The following NPM1 variants were observed in gnomAD, a reference collection of about 807,000 sequenced individuals.
NPM1 encodes nucleophosmin.
NPM1 carries 1 observed loss-of-function variant against 44.1 expected under a neutral mutation model. That is an observed-to-expected ratio of 0.02 (90% CI 0.01 to 0.11). The LOEUF (loss-of-function observed/expected upper bound fraction) is 0.11. NPM1 is among the 10% of genes least tolerant of loss of function. The pLI, the probability that NPM1 is intolerant of heterozygous loss-of-function variation, is 1.00. For missense variants in NPM1, 197 were observed against 347.8 expected (o/e 0.57, Z 3.45); for synonymous variants, 126 against 111.8 (o/e 1.13, Z -0.80).
rs185295288 is a variant in NPM1 at position 171,387,886 on chromosome 5, C to G, written c.-63C>G. On this transcript the variant is annotated 5_prime_UTR_variant, in exon 1 of 11. Coordinates refer to ENST00000296930, the MANE Select transcript of NPM1 (RefSeq NM_002520.7). ...TGATTCCGTCCTGCGCGGTTGTTCT[C>G]TGGAGCAGCGTTCTTTTATCTCCGT... is the stretch of plus-strand genomic sequence containing the variant. The G allele has an allele frequency of 1.3e-4, 201 of 1,515,488 alleles. No homozygotes were observed. Among genetic ancestry groups the G allele is most frequent in the African/African-American group, 1.2e-3 (89 of 72,974 alleles). The allele number at this position is 1,515,488 out of a possible 1,614,324, so 93.9% of individuals were successfully genotyped here. A position where few individuals can be genotyped will look rare whatever the true frequency, so the allele number is the denominator to read the frequency against.
At chr5:171,401,022 T>C in intron 8 of NPM1, 97 bp downstream of exon 8, 2 of 823,876 alleles carry the variant, frequency 2.4e-6, no homozygotes, top group Non-Finnish European at 4.1e-6. Flanking sequence ...TGATAGGCCT[T>C]TATAGAACCC....
At chr5:171,390,487 A>G (rs527948640) in intron 2 of NPM1, among the ~76,000 whole-genome samples, 3 of 152,344 alleles carry the variant, frequency 2.0e-5, no homozygotes, top group South Asian at 2.1e-4. Context: ...TATTGTGTGT[A>G]TGCATATTTA....
chr5:171,391,712 C>T lies in NPM1; in HGVS notation c.265C>T (p.Leu89Phe). ...AAAAATTTCTCCCTTCTAGGTTTCC[C>T]TTGGGGGCTTTGAAATAACACCACC... ...LKMSVQPTVSLGGFEITPPVV... is the reference protein window; with the variant it reads ...LKMSVQPTVSFGGFEITPPVV... Residue 89 changes from leucine (L) to phenylalanine (F), a missense_variant, in exon 4 of 11, where the codon CTT (leucine) becomes TTT (phenylalanine). Around this residue, in one of 5 missense-constraint regions of NPM1, gnomAD observed 43 missense variants for 109.6 expected, o/e 0.39. Transcript: ENST00000296930. 1 of 1,608,220 alleles carries T rather than the reference C, an allele frequency of 6.2e-7. No homozygotes were observed. Among genetic ancestry groups the T allele is most frequent in the Non-Finnish European group, 8.5e-7 (1 of 1,176,394 alleles).
At chr5:171,389,399 T>C (rs58480550) in intron 1 of NPM1, among the ~76,000 whole-genome samples, 1 of 152,354 alleles carries the variant, frequency 6.6e-6, no homozygotes, top group African/African-American at 2.4e-5. Context: ...AGTAGACATA[T>C]GTATTCAAAA....
chr5:171,405,626 C>T (rs1771523365), intron 9 of NPM1: 1 of 523,538 alleles, frequency 1.9e-6, no homozygotes, highest in African/African-American at 1.9e-5. Flanking sequence ...TTCCATTATG[C>T]AAGGAACGTA....
In NPM1 at chr5:171,398,345, A is replaced by G. The variant is rs955268542; in HGVS notation, c.525-1808A>G. 2.1e-4 allele frequency among the ~76,000 whole-genome samples: 32 copies of G among 152,118 alleles called. 1 individual carries two copies. Among genetic ancestry groups the G allele is most frequent in the Admixed American group, 1.5e-3 (23 of 15,286 alleles). On this transcript the variant is annotated intron_variant, in intron 6 of 10. Coordinates refer to ENST00000296930, the MANE Select transcript of NPM1 (RefSeq NM_002520.7). Reference sequence around the variant, plus strand: ...TCCTTTATATTTAGGGCTTTGTTCCATTTTGAGTAAACTTATGTGTATGGT... The same window carrying G: ...TCCTTTATATTTAGGGCTTTGTTCCGTTTTGAGTAAACTTATGTGTATGGT...
intron 6 of NPM1, among the ~76,000 whole-genome samples, chr5:171,399,581 C>T (rs1327237474): frequency 1.3e-5 from 2 of 152,078 alleles, no homozygotes; most frequent in Non-Finnish European, 2.9e-5. Flanking sequence ...ACAGAGAAAC[C>T]AGCTTGGGGA....
At chr5:171,401,096 T>C (rs887928556) in intron 8 of NPM1, among the ~76,000 whole-genome samples, 171 bp downstream of exon 8, 2 of 152,040 alleles carry the variant, frequency 1.3e-5, no homozygotes, top group East Asian at 3.9e-4. Flanking sequence ...CTCACTCCTG[T>C]AATCCCAGCA....
chr5:171,391,795 A>AGTAG lies in NPM1; in HGVS notation c.352_352+3dup. The AGTAG allele has an allele frequency of 6.3e-7, 1 of 1,578,662 alleles. No individual in the cohort carries two copies. Among genetic ancestry groups the AGTAG allele is most frequent in the South Asian group, 1.1e-5 (1 of 90,284 alleles). ...CAGTGCATATTAGTGGACAGCACTT[A>AGTAG]GTAGGTATGTTATTTTTATATATTA... On this transcript the variant is annotated frameshift_variant, in exon 4 of 11. Transcript: ENST00000296930. LOFTEE classifies it high-confidence loss of function.
At chr5:171,405,271 A>C (rs1771500752) in intron 8 of NPM1, 31 bp from the exon 9 acceptor site, 4 of 1,071,246 alleles carry the variant, frequency 3.7e-6, no homozygotes, top group Non-Finnish European at 5.6e-6. Flanking sequence ...ATTTATTCTT[A>C]TGACCTTTTG....
At chr5:171,400,784 G>A in intron 7 of NPM1, 55 bp from the exon 8 acceptor site, 3 of 1,177,500 alleles carry the variant, frequency 2.5e-6, no homozygotes, top group Non-Finnish European at 3.8e-6. Flanking sequence ...GGACAGCTTT[G>A]TTTGCACTGT....
rs764228778 is a variant in NPM1, at chr5:171,392,691, C to G, written c.353-19C>G. On this transcript the variant is annotated intron_variant, in intron 4 of 10. Coordinates refer to ENST00000296930, the MANE Select transcript of NPM1 (RefSeq NM_002520.7). ...TCTTGCTGCTTGAGTTTTATAATGT[C>G]TAATAAATTGTATTTTAGCTGTGGA... is the stretch of plus-strand genomic sequence containing the variant. The G allele has an allele frequency of 7.9e-6, 12 of 1,528,640 alleles. No individual in the cohort carries two copies. The highest frequency in any genetic ancestry group is 7.1e-5 in the African/African-American group (5 of 70,156). 94.7% of individuals were successfully genotyped at this position (1,528,640 alleles called of 1,614,324 possible).
At position 171,403,480 on chromosome 5, in the gene NPM1, G is replaced by C. The variant is rs1192781551; in HGVS notation, c.670-1822G>C. ...CTTTCCTGCCTTTCTATTCCACAAA[G>C]CTGCCATCGTCATCCTGGCCCGTTC... On this transcript the variant is annotated intron_variant, in intron 8 of 10. Transcript: ENST00000296930. Among the ~76,000 whole-genome samples the C allele has an allele frequency of 1.7e-5, 2 of 119,684 alleles. 1 individual carries two copies. The highest frequency in any genetic ancestry group is 5.3e-4 in the East Asian group (2 of 3,788). 78.5% of individuals were successfully genotyped at this position (119,684 alleles called of 152,430 possible).
chr5:171,387,315 G>A (rs1003441624), upstream of NPM1: 6 of 154,410 alleles, frequency 3.9e-5, no homozygotes, highest in African/African-American at 1.4e-4. Flanking sequence ...CTGAACTTTG[G>A]GGTAACGATT....
Position 171,391,286 on chromosome 5 carries a change from A to ATTTTTTTTTTTTT in NPM1, c.139-9_139-8insTTTTTTTTTTTTT. The ATTTTTTTTTTTTT allele has an allele frequency of 7.1e-7, 1 of 1,400,004 alleles. No individual in the cohort carries two copies. Among genetic ancestry groups the ATTTTTTTTTTTTT allele is most frequent in the Non-Finnish European group, 9.7e-7 (1 of 1,026,484 alleles). The allele number at this position is 1,400,004 out of a possible 1,614,324, so 86.7% of individuals were successfully genotyped here. ...GGTGGAACTCAAAAGTTGAAGTAGT[A>ATTTTTTTTTTTTT]TTTTTTTTTTGTTCACAGGTCAGTT... On this transcript the variant is annotated intron_variant, in intron 2 of 10. Transcript: ENST00000296930.
chr5:171,404,558 C>T (rs1308909584), intron 8 of NPM1, among the ~76,000 whole-genome samples: 1 of 82,918 alleles, frequency 1.2e-5, no homozygotes, highest in African/African-American at 5.0e-5. Context: ...CAGAGACGCT[C>T]CTCACTTCCT....
Position 171,397,072 on chromosome 5 carries a change from CTA to C in NPM1, c.525-3078_525-3077del, listed in dbSNP as rs1461134546. On this transcript the variant is annotated intron_variant, in intron 6 of 10. Coordinates refer to ENST00000296930, the MANE Select transcript of NPM1 (RefSeq NM_002520.7). Reference sequence around the variant, plus strand: ...CATCACCTCAATGAGAAATCGTACTCTATAGGTATTACCCCTCATGCTCTTCA... The same window carrying C: ...CATCACCTCAATGAGAAATCGTACTCTAGGTATTACCCCTCATGCTCTTCA... 2.6e-5 allele frequency among the ~76,000 whole-genome samples: 4 copies of C among 152,180 alleles called. No homozygotes were observed. In the East Asian group the frequency reaches 5.8e-4, roughly 22 times the overall value.
intron 4 of NPM1, 119 bp downstream of exon 4, chr5:171,391,918 T>G: frequency 2.0e-6 from 1 of 509,042 alleles, no homozygotes; most frequent in Non-Finnish European, 3.4e-6. Flanking sequence ...GGTTCCAATG[T>G]GAGTCTAGAA....
intron 6 of NPM1, among the ~76,000 whole-genome samples, chr5:171,397,961 TTCTGTATTTTAAA>T (rs1770999072): frequency 6.6e-6 from 1 of 151,996 alleles, no homozygotes; most frequent in African/African-American, 2.4e-5. Flanking sequence ...CCGGCTAATT[TTCTGTATTTTAAA>T]TAGAGACCGG....
Sources: allele counts gnomAD v4.1 joint callset (sites outside exome capture counted in the v4.1 genomes callset), GRCh38; gene constraint gnomAD v4.1.1; regional missense constraint gnomAD v4.1.1; transcripts MANE v1.5; gene names NCBI Gene and HGNC (gene_info 2026-07-23, HGNC 2026-07-21).